SCRN3: variants seen among roughly 807,000 people sequenced by gnomAD.
The protein encoded by SCRN3 is secernin-3.
In SCRN3, 39 loss-of-function variants were observed where a neutral mutation model predicts 43.1. The observed-to-expected ratio is 0.91, with a 90% CI of 0.70 to 1.18. The LOEUF is 1.18. Among genes scored for constraint, SCRN3 ranks in the 50% most tolerant of loss-of-function variants. SCRN3 has a pLI of 0.00. For missense variants in SCRN3, 484 were observed against 498.0 expected, an observed-to-expected ratio of 0.97 and a Z score of 0.27; for synonymous variants, 147 against 163.1, an observed-to-expected ratio of 0.90 and a Z score of 0.75.
At chr2:174,427,393 A>G (rs994171414) in intron 7 of SCRN3, among the ~76,000 whole-genome samples, 1 of 152,200 alleles carries the variant, frequency 6.6e-6, no homozygotes, top group Non-Finnish European at 1.5e-5. Flanking sequence ...CTCAGTTTTC[A>G]GCAACCTTCC....
chr2:174,411,150 A>G (rs1685904077), intron 5 of SCRN3, among the ~76,000 whole-genome samples: 1 of 152,138 alleles, frequency 6.6e-6, no homozygotes. Flanking sequence ...TGAGAGATTG[A>G]ACTCTCAGCC....
chr2:174,416,069 A>C (rs1686094899), intron 5 of SCRN3, among the ~76,000 whole-genome samples: 1 of 152,178 alleles, frequency 6.6e-6, no homozygotes, highest in South Asian at 2.1e-4. Context: ...TGGCCAAAAC[A>C]TTAAGGAATT....
intron 5 of SCRN3, among the ~76,000 whole-genome samples, chr2:174,417,728 G>C (rs1686165355): frequency 6.6e-6 from 1 of 152,170 alleles, no homozygotes; most frequent in Non-Finnish European, 1.5e-5. Context: ...ATGTGAAATA[G>C]ATATCTTCAT....
intron 1 of SCRN3, chr2:174,396,976 G>A: frequency 5.0e-6 from 3 of 601,904 alleles, no homozygotes; most frequent in Non-Finnish European, 4.2e-6. Flanking sequence ...TTTTTCTGAT[G>A]AGGCAGAAGG....
In SCRN3 at chr2:174,398,276, TAA is replaced by T; in HGVS notation, c.-1_1del. 6.5e-7 allele frequency: 1 copy of T among 1,541,474 alleles called. No individual in the cohort carries two copies. The highest frequency in any genetic ancestry group is 8.7e-7 in the Non-Finnish European group (1 of 1,146,078). ...TTAAAACATCTGTATAATTTTTAGT[TAA>T]AAAAAATGGAACCTTTTTCCTGTGA... is the stretch of plus-strand genomic sequence containing the variant. On this transcript the variant is annotated splice_region_variant and 5_prime_UTR_variant, in exon 2 of 8. Coordinates refer to ENST00000272732, the MANE Select transcript of SCRN3 (RefSeq NM_024583.5).
At chr2:174,421,227 T>G (rs1320563515) in intron 5 of SCRN3, among the ~76,000 whole-genome samples, 1 of 152,128 alleles carries the variant, frequency 6.6e-6, no homozygotes, top group Non-Finnish European at 1.5e-5. Context: ...GTGAAAAATA[T>G]CCTCTAAAAA....
At chr2:174,415,864 C>T (rs1244439946) in intron 5 of SCRN3, among the ~76,000 whole-genome samples, 1 of 152,096 alleles carries the variant, frequency 6.6e-6, no homozygotes, top group South Asian at 2.1e-4. Flanking sequence ...AGGGTGGTGT[C>T]GAATTCCTGG....
In SCRN3 at chr2:174,427,925, T is replaced by C; in HGVS notation, c.*30T>C. The C allele has an allele frequency of 7.1e-7, 1 of 1,410,734 alleles. No homozygotes were observed. The highest frequency in any genetic ancestry group is 1.4e-5 in the African/African-American group (1 of 71,482). The allele number at this position is 1,410,734 out of a possible 1,614,324, so 87.4% of individuals were successfully genotyped here. On this transcript the variant is annotated 3_prime_UTR_variant, in exon 8 of 8. Transcript: ENST00000272732. ...CATATGGTCAGCTAATATTAGTTCT[T>C]AGTGATCAGTGGTCAGTAATCTTCA...
chr2:174,419,260 C>T (rs1686212004), intron 5 of SCRN3, among the ~76,000 whole-genome samples: 1 of 152,110 alleles, frequency 6.6e-6, no homozygotes, highest in African/African-American at 2.4e-5. Context: ...AAGGAGATAC[C>T]TGTGTTTAAT....
intron 1 of SCRN3, chr2:174,397,130 C>A (rs1294947130): frequency 7.1e-6 from 7 of 979,752 alleles, no homozygotes; most frequent in Non-Finnish European, 8.5e-6. Flanking sequence ...TCAGACTTCT[C>A]GTCACTGAGG....
chr2:174,398,547 A>C, intron 2 of SCRN3, 105 bp downstream of exon 2: 1 of 960,058 alleles, frequency 1.0e-6, no homozygotes, highest in Non-Finnish European at 1.5e-6. Context: ...AAAATTGAGG[A>C]GTTTACATTT....
intron 5 of SCRN3, among the ~76,000 whole-genome samples, chr2:174,413,179 C>T (rs1685988573): frequency 1.3e-5 from 2 of 152,014 alleles, no homozygotes; most frequent in South Asian, 4.2e-4. Flanking sequence ...GCCGATAGTG[C>T]TCTTTTAGGA....
chr2:174,410,895 C>A (rs1685893421), intron 5 of SCRN3, among the ~76,000 whole-genome samples: 1 of 152,066 alleles, frequency 6.6e-6, no homozygotes, highest in South Asian at 2.1e-4. Flanking sequence ...AAGAGAGGGC[C>A]CACACAATCC....
intron 6 of SCRN3, 70 bp downstream of exon 6, chr2:174,423,117 A>G: frequency 7.6e-7 from 1 of 1,315,378 alleles, no homozygotes; most frequent in Non-Finnish European, 1.0e-6. Context: ...TATGTTAATA[A>G]TTTTGTCAGG....
chr2:174,428,572 T>TA lies in SCRN3; in HGVS notation c.*678dup, dbSNP rs1686566539. The TA allele has an allele frequency of 6.6e-6, 1 of 152,186 alleles. No individual in the cohort carries two copies. Among genetic ancestry groups the TA allele is most frequent in the African/African-American group, 2.4e-5 (1 of 41,456 alleles). 9.4% of individuals were successfully genotyped at this position (152,186 alleles called of 1,614,324 possible). A position where few individuals can be genotyped will look rare whatever the true frequency, so the allele number is the denominator to read the frequency against. On this transcript the variant is annotated 3_prime_UTR_variant, in exon 8 of 8. Coordinates refer to ENST00000272732, the MANE Select transcript of SCRN3 (RefSeq NM_024583.5). ...TTTTAGAAGAGCTTGTTTGGGAGATTAGAGAATAAGATAAAAGAACCAAAA... is the reference window on the plus strand; with the variant it reads ...TTTTAGAAGAGCTTGTTTGGGAGATTAAGAGAATAAGATAAAAGAACCAAAA...
rs115235663 is a variant in SCRN3 at position 174,419,969 on chromosome 2, A to G, written c.755-2916A>G. 8.5e-3 allele frequency among the ~76,000 whole-genome samples: 1,294 copies of G among 152,214 alleles called. 17 individuals are homozygous for G. The highest frequency in any genetic ancestry group is 0.03 in the African/African-American group (1,225 of 41,522). On this transcript the variant is annotated intron_variant, in intron 5 of 7. Coordinates refer to ENST00000272732, the MANE Select transcript of SCRN3 (RefSeq NM_024583.5). ...GTTGGAAGACATGGATGAATACCCA[A>G]AAGAGTACACAAAAGAGTAGAGACG... is the stretch of plus-strand genomic sequence containing the variant.
chr2:174,395,993 C>G, intron 1 of SCRN3, 176 bp downstream of exon 1: 1 of 1,371,128 alleles, frequency 7.3e-7, no homozygotes, highest in Non-Finnish European at 9.4e-7. Context: ...ACCAAAGGTG[C>G]TTGAAGCTCG....
At chr2:174,409,509 C>T (rs1470554010) in intron 5 of SCRN3, among the ~76,000 whole-genome samples, 4 of 147,022 alleles carry the variant, frequency 2.7e-5, no homozygotes, top group East Asian at 4.0e-4. Context: ...TGAGGAACTG[C>T]GTTCCTTTGG....
intron 2 of SCRN3, 148 bp downstream of exon 2, chr2:174,398,590 C>G (rs1210862022): frequency 5.0e-6 from 3 of 600,880 alleles, no homozygotes; most frequent in South Asian, 2.5e-5. Context: ...AAACTGTGAT[C>G]TTTTATTTCA....
Sources: allele counts gnomAD v4.1 joint callset (sites outside exome capture counted in the v4.1 genomes callset), GRCh38; gene constraint gnomAD v4.1.1; transcripts MANE v1.5; gene names NCBI Gene and HGNC (gene_info 2026-07-23, HGNC 2026-07-21).